GRM8: variants seen among roughly 807,000 people sequenced by gnomAD.
The protein encoded by GRM8 is glutamate metabotropic receptor 8.
In GRM8, 47 loss-of-function variants were observed where a neutral mutation model predicts 87.2. The ratio of observed to expected loss-of-function variants is 0.54; its 90% CI spans 0.43 to 0.69. The LOEUF is 0.69. Ranked by LOEUF, GRM8 falls within the 30% of genes least tolerant of loss-of-function variation. The pLI is 0.00. For synonymous variants in GRM8, 396 were observed against 404.5 expected, an observed-to-expected ratio of 0.98 and a Z score of 0.25; for missense variants, 1,019 against 1,139.2, an observed-to-expected ratio of 0.89 and a Z score of 1.52.
At chr7:126,626,650 C>A (rs2151159513) in intron 7 of GRM8, among the ~76,000 whole-genome samples, 1 of 152,234 alleles carries the variant, frequency 6.6e-6, no homozygotes, top group South Asian at 2.1e-4. Context: ...TAAGACAAAG[C>A]AGTATGACAA....
chr7:127,017,159 T>C (rs1815768409), intron 3 of GRM8, among the ~76,000 whole-genome samples: 1 of 152,072 alleles, frequency 6.6e-6, no homozygotes, highest in African/African-American at 2.4e-5. Flanking sequence ...TTTAATACTG[T>C]TTTCTGATAT....
At chr7:126,992,819 GTGTGTGTGTA>G (rs1373044093) in intron 3 of GRM8, among the ~76,000 whole-genome samples, 2 of 150,958 alleles carry the variant, frequency 1.3e-5, no homozygotes, top group African/African-American at 4.9e-5. Flanking sequence ...GTGTGTGTGT[GTGTGTGTGTA>G]TGTGTGTGTG....
chr7:127,223,914 T>TAAAAAAAAAAAAAAAAAAAAAAA (rs71177597), intron 2 of GRM8, among the ~76,000 whole-genome samples: 1 of 133,780 alleles, frequency 7.5e-6, no homozygotes, highest in African/African-American at 2.8e-5. Flanking sequence ...AAATGAAATG[T>TAAAAAAAAAAAAAAAAAAAAAAA]AAAAAAAAAA....
chr7:126,861,927 G>A (rs186048598), intron 6 of GRM8, among the ~76,000 whole-genome samples: 36 of 151,892 alleles, frequency 2.4e-4, no homozygotes, highest in Admixed American at 2.3e-3. Flanking sequence ...TGGTTGTGGT[G>A]TAGTTAAATT....
At chr7:126,500,451 G>T (rs890412326) in intron 9 of GRM8, among the ~76,000 whole-genome samples, 1 of 151,826 alleles carries the variant, frequency 6.6e-6, no homozygotes, top group Non-Finnish European at 1.5e-5. Flanking sequence ...TTTTGCTTCT[G>T]GTCTTCAATT....
intron 9 of GRM8, among the ~76,000 whole-genome samples, chr7:126,530,218 G>A (rs969045367): frequency 1.3e-5 from 2 of 152,178 alleles, no homozygotes; most frequent in Non-Finnish European, 2.9e-5. Context: ...TAATTTCAGA[G>A]AGACCTGTGT....
chr7:126,819,576 A>G (rs1448013955), intron 6 of GRM8, among the ~76,000 whole-genome samples: 1 of 152,204 alleles, frequency 6.6e-6, no homozygotes, highest in Non-Finnish European at 1.5e-5. Context: ...TAAATATTCA[A>G]TAAATAAACT....
intron 8 of GRM8, among the ~76,000 whole-genome samples, chr7:126,539,670 AT>A: frequency 6.6e-6 from 1 of 152,064 alleles, no homozygotes; most frequent in East Asian, 1.9e-4. Context: ...TGTTCACGTT[AT>A]TTTTGACAAG....
At chr7:127,222,985 T>G (rs1797030108) in intron 2 of GRM8, among the ~76,000 whole-genome samples, 1 of 152,160 alleles carries the variant, frequency 6.6e-6, no homozygotes, top group Admixed American at 6.5e-5. Context: ...AAGTACACCC[T>G]GTTCTCTGAC....
intron 7 of GRM8, among the ~76,000 whole-genome samples, chr7:126,707,675 T>C (rs1230591830): frequency 6.6e-6 from 1 of 152,138 alleles, no homozygotes; most frequent in Non-Finnish European, 1.5e-5. Flanking sequence ...CTTTTATAAA[T>C]TACATTTGAA....
At chr7:126,580,001 A>G (rs1315113668) in intron 8 of GRM8, among the ~76,000 whole-genome samples, 2 of 152,170 alleles carry the variant, frequency 1.3e-5, no homozygotes, top group East Asian at 1.9e-4. Context: ...ATATGAAAAA[A>G]AAAAGTTGTG....
intron 7 of GRM8, among the ~76,000 whole-genome samples, chr7:126,649,756 C>G (rs1803585202): frequency 6.6e-6 from 1 of 152,106 alleles, no homozygotes; most frequent in Admixed American, 6.6e-5. Flanking sequence ...TACTTTGGCC[C>G]ATTTATCGAG....
intron 7 of GRM8, among the ~76,000 whole-genome samples, chr7:126,745,994 T>C (rs1168793860): frequency 6.6e-6 from 1 of 151,806 alleles, no homozygotes; most frequent in Non-Finnish European, 1.5e-5. Context: ...TTTGGATATA[T>C]TTATTTGCCC....
intron 3 of GRM8, among the ~76,000 whole-genome samples, chr7:127,014,095 T>C (rs1249659201): frequency 6.6e-6 from 1 of 152,124 alleles, no homozygotes; most frequent in Non-Finnish European, 1.5e-5. Flanking sequence ...CAAGGCACCA[T>C]CTGGATTCCC....
chr7:126,870,255 G>A (rs983797406), intron 6 of GRM8: 6 of 151,988 alleles, frequency 3.9e-5, no homozygotes, highest in Admixed American at 6.6e-5. Context: ...ATTGTGGCTC[G>A]TTTGATCTTC....
intron 9 of GRM8, among the ~76,000 whole-genome samples, chr7:126,480,626 C>G (rs770370752): frequency 6.6e-5 from 10 of 151,896 alleles, no homozygotes; most frequent in Admixed American, 3.3e-4. Context: ...ATCAAGAAAA[C>G]AGGAAAAGTT....
At chr7:126,853,657 A>T (rs1245082468) in intron 6 of GRM8, among the ~76,000 whole-genome samples, 1 of 152,178 alleles carries the variant, frequency 6.6e-6, no homozygotes, top group Non-Finnish European at 1.5e-5. Context: ...TAAGCAAAAA[A>T]GGGACTTTAC....
At chr7:127,156,277 C>T (rs953843846) in intron 2 of GRM8, among the ~76,000 whole-genome samples, 2 of 152,104 alleles carry the variant, frequency 1.3e-5, no homozygotes, top group African/African-American at 4.8e-5. Flanking sequence ...CACCAGCCCA[C>T]CTTCGTAGCA....
At chr7:126,937,440 C>T (rs1806453175) in intron 3 of GRM8, among the ~76,000 whole-genome samples, 1 of 152,156 alleles carries the variant, frequency 6.6e-6, no homozygotes, top group Non-Finnish European at 1.5e-5. Context: ...ACTGTTGAAT[C>T]ACTAAACCAA....
Sources: allele counts gnomAD v4.1 joint callset (sites outside exome capture counted in the v4.1 genomes callset), GRCh38; gene constraint gnomAD v4.1.1; transcripts MANE v1.5; gene names NCBI Gene and HGNC (gene_info 2026-07-23, HGNC 2026-07-21).